Variants in DLG2 observed in about 807,000 individuals in gnomAD.
DLG2 encodes the protein disks large homolog 2.
In DLG2, 45 loss-of-function variants were observed where a neutral mutation model predicts 132.5. That is an observed-to-expected ratio of 0.34 (90% CI 0.27 to 0.44). The LOEUF (loss-of-function observed/expected upper bound fraction) is 0.44, where lower values mean the gene tolerates loss of function less well. Ranked by LOEUF, DLG2 falls within the 20% of genes least tolerant of loss-of-function variation. DLG2 has a pLI of 1.00. For missense variants in DLG2, 1,045 were observed against 1,196.9 expected (o/e 0.87, Z 1.87); for synonymous variants, 424 against 419.6 (o/e 1.01, Z -0.13).
chr11:85,289,785 T>A (rs960632859), intron 3 of DLG2, among the ~76,000 whole-genome samples: 2 of 152,180 alleles, frequency 1.3e-5, no homozygotes, highest in African/African-American at 4.8e-5. Context: ...TAAATGCTCA[T>A]ATCCACTTCC....
At chr11:83,721,953 A>C (rs1472032342) in intron 18 of DLG2, among the ~76,000 whole-genome samples, 2 of 152,230 alleles carry the variant, frequency 1.3e-5, no homozygotes, top group African/African-American at 4.8e-5. Flanking sequence ...GATGATTAGA[A>C]AAAAGTGTGA....
intron 6 of DLG2, among the ~76,000 whole-genome samples, chr11:85,013,101 C>T (rs1352842585): frequency 1.3e-5 from 2 of 152,204 alleles, no homozygotes; most frequent in Admixed American, 1.3e-4. Context: ...GAAATGGTTG[C>T]AATACTTTTT....
At position 85,362,607 on chromosome 11, in the gene DLG2, T is replaced by A. The variant is rs576070982; in HGVS notation, c.41-77242A>T. ...TTTCCAATTTGGATGCCTTTTTTTT[T>A]ATTTTTTTTTAATGCCTGATTGCTC... On this transcript the variant is annotated intron_variant, in intron 3 of 27. Coordinates refer to ENST00000376104, the MANE Select transcript of DLG2 (RefSeq NM_001142699.3). 2.2e-4 allele frequency among the ~76,000 whole-genome samples: 33 copies of A among 152,124 alleles called. No homozygotes were observed. In the South Asian group the frequency reaches 3.7e-3, roughly 17 times the overall value.
At chr11:83,864,190 A>G (rs147647452) in intron 16 of DLG2, among the ~76,000 whole-genome samples, 55 of 152,320 alleles carry the variant, frequency 3.6e-4, no homozygotes, top group African/African-American at 1.3e-3. Context: ...GATAAAAATT[A>G]CTGAAATTCC....
At chr11:84,514,931 A>G (rs1037221495) in intron 7 of DLG2, among the ~76,000 whole-genome samples, 12 of 152,100 alleles carry the variant, frequency 7.9e-5, no homozygotes, top group Non-Finnish European at 1.3e-4. Context: ...CCTTATAAAT[A>G]TATACACCTA....
intron 11 of DLG2, among the ~76,000 whole-genome samples, chr11:83,989,259 C>T (rs529192498): frequency 5.1e-4 from 78 of 152,242 alleles, no homozygotes; most frequent in Non-Finnish European, 9.3e-4. Context: ...ATGGTAAGCA[C>T]TGAGCAGGCA....
intron 7 of DLG2, among the ~76,000 whole-genome samples, chr11:84,432,213 G>C (rs951669206): frequency 1.3e-5 from 2 of 152,218 alleles, no homozygotes; most frequent in East Asian, 1.9e-4. Flanking sequence ...CAGCCAGGCT[G>C]TGATTAGCTG....
At chr11:83,675,710 G>A (rs2077563585) in intron 18 of DLG2, among the ~76,000 whole-genome samples, 1 of 152,114 alleles carries the variant, frequency 6.6e-6, no homozygotes, top group African/African-American at 2.4e-5. Flanking sequence ...ATTCTACTGG[G>A]CACATGGCTT....
At chr11:84,155,281 G>A (rs965785793) in intron 9 of DLG2, among the ~76,000 whole-genome samples, 1 of 152,104 alleles carries the variant, frequency 6.6e-6, no homozygotes, top group Non-Finnish European at 1.5e-5. Flanking sequence ...GCCAGGAACT[G>A]GCCCTGGAGC....
intron 19 of DLG2, among the ~76,000 whole-genome samples, chr11:83,591,291 C>G (rs1310603811): frequency 7.5e-6 from 1 of 132,704 alleles, no homozygotes; most frequent in Non-Finnish European, 1.6e-5. Flanking sequence ...AGCTTATCCA[C>G]TATGATCAAG....
At chr11:84,894,518 C>T (rs550329344) in intron 6 of DLG2, among the ~76,000 whole-genome samples, 1 of 152,058 alleles carries the variant, frequency 6.6e-6, no homozygotes, top group African/African-American at 2.4e-5. Flanking sequence ...GGGTCTCCTA[C>T]TTGGTGGAGT....
chr11:84,520,273 C>T (rs1201722764), intron 7 of DLG2, among the ~76,000 whole-genome samples: 3 of 151,984 alleles, frequency 2.0e-5, no homozygotes, highest in African/African-American at 7.2e-5. Context: ...GATGAACTAC[C>T]ATGTCATTGT....
chr11:85,600,999 G>A (rs1284823294), intron 2 of DLG2, among the ~76,000 whole-genome samples: 1 of 152,110 alleles, frequency 6.6e-6, no homozygotes, highest in Non-Finnish European at 1.5e-5. Flanking sequence ...TGATGTCTCT[G>A]AACATGGATC....
rs1475030536 is a variant in DLG2, at chr11:83,480,536, G to A, written c.2293+3593C>T. ...CGAAAGGCAAGTAAAAGCCGCAGAGGAGGCTGCATTAAGAAAACTCAGATA... is the reference window on the plus strand; with the variant it reads ...CGAAAGGCAAGTAAAAGCCGCAGAGAAGGCTGCATTAAGAAAACTCAGATA... On this transcript the variant is annotated intron_variant, in intron 22 of 27. Transcript: ENST00000376104. The A allele has an allele frequency of 3.3e-6, 5 of 1,515,690 alleles. No individual in the cohort carries two copies. In the South Asian group the frequency reaches 4.8e-5, roughly 15 times the overall value. 93.9% of individuals were successfully genotyped at this position (1,515,690 alleles called of 1,614,324 possible).
intron 7 of DLG2, among the ~76,000 whole-genome samples, chr11:84,509,447 C>T (rs921623408): frequency 6.6e-6 from 1 of 152,052 alleles, no homozygotes; most frequent in African/African-American, 2.4e-5. Context: ...CAAGTGAAAC[C>T]TTTGGAATGT....
intron 3 of DLG2, among the ~76,000 whole-genome samples, chr11:85,586,281 C>A (rs375849699): frequency 6.6e-6 from 1 of 151,812 alleles, no homozygotes; most frequent in African/African-American, 2.4e-5. Context: ...GTCAATAGGA[C>A]TGGTACCAAT....
At chr11:84,132,533 C>T (rs929347521) in intron 9 of DLG2, among the ~76,000 whole-genome samples, 8 of 152,088 alleles carry the variant, frequency 5.3e-5, no homozygotes, top group Admixed American at 3.3e-4. Context: ...AACTCTGTCA[C>T]TGAATACTAA....
intron 14 of DLG2, among the ~76,000 whole-genome samples, chr11:83,935,181 T>C (rs569652231): frequency 1.2e-4 from 18 of 152,306 alleles, no homozygotes; most frequent in Non-Finnish European, 2.2e-4. Flanking sequence ...AGGGCTCAGA[T>C]GCCTAAGTAT....
At chr11:84,160,208 G>A (rs1219097113) in intron 9 of DLG2, among the ~76,000 whole-genome samples, 1 of 152,152 alleles carries the variant, frequency 6.6e-6, no homozygotes, top group Non-Finnish European at 1.5e-5. Flanking sequence ...AAAAGATGGA[G>A]AAGAGGTCTG....
Sources: allele counts gnomAD v4.1 joint callset (sites outside exome capture counted in the v4.1 genomes callset), GRCh38; gene constraint gnomAD v4.1.1; transcripts MANE v1.5; gene names NCBI Gene and HGNC (gene_info 2026-07-23, HGNC 2026-07-21).